The following KANK1 variants were observed in gnomAD, a reference collection of about 807,000 sequenced individuals.
The protein encoded by KANK1 is KN motif and ankyrin repeat domains 1, also known as KN motif and ankyrin repeat domain-containing protein 1.
A neutral mutation model predicts 106.2 loss-of-function variants in KANK1; 109 were observed. That is an observed-to-expected ratio of 1.03 (90% CI 0.88 to 1.20). The LOEUF (loss-of-function observed/expected upper bound fraction) is 1.20, where lower values mean the gene tolerates loss of function less well. KANK1 is among the 50% of genes most tolerant of loss of function. The pLI, the probability that KANK1 is intolerant of heterozygous loss-of-function variation, is 0.00. For synonymous variants in KANK1, 873 were observed against 652.2 expected, an observed-to-expected ratio of 1.34 and a Z score of -5.16; for missense variants, 2,399 against 1,710.7, an observed-to-expected ratio of 1.40 and a Z score of -7.10.
At chr9:716,505 A>G (rs946954686) in intron 3 of KANK1, among the ~76,000 whole-genome samples, 7 of 152,322 alleles carry the variant, frequency 4.6e-5, no homozygotes, top group South Asian at 4.2e-4. Flanking sequence ...CATTGTATCA[A>G]TATAAAGAAG....
chr9:493,770 C>G (rs2058415396), intron 3 of KANK1, among the ~76,000 whole-genome samples: 1 of 151,946 alleles, frequency 6.6e-6, no homozygotes, highest in South Asian at 2.1e-4. Context: ...TGGTCTTGAA[C>G]TCCTGACCTC....
At chr9:526,788 T>C (rs2059812162) in intron 1 of KANK1, among the ~76,000 whole-genome samples, 1 of 151,728 alleles carries the variant, frequency 6.6e-6, no homozygotes, top group Admixed American at 6.6e-5. Context: ...AAAATGACTG[T>C]ATCTTGAGAA....
intron 1 of KANK1, among the ~76,000 whole-genome samples, chr9:563,190 CTTTT>C (rs35709800): frequency 2.7e-5 from 4 of 149,266 alleles, no homozygotes; most frequent in Admixed American, 6.6e-5. Context: ...TTTTGTCAGA[CTTTT>C]TTTTTTTTTT....
chr9:701,094 A>G (rs1822545273), intron 2 of KANK1, among the ~76,000 whole-genome samples: 1 of 152,130 alleles, frequency 6.6e-6, no homozygotes, highest in Admixed American at 6.5e-5. Context: ...TATTGGCCCC[A>G]ATAGGAAATG....
At chr9:574,172 T>A (rs1819932162) in intron 1 of KANK1, among the ~76,000 whole-genome samples, 1 of 152,200 alleles carries the variant, frequency 6.6e-6, no homozygotes, top group Non-Finnish European at 1.5e-5. Context: ...TCGCACCCAC[T>A]CTTCCCTTAG....
intron 1 of KANK1, among the ~76,000 whole-genome samples, chr9:615,713 C>T (rs1360047454): frequency 1.3e-5 from 2 of 152,112 alleles, no homozygotes; most frequent in Non-Finnish European, 2.9e-5. Flanking sequence ...ATTAGATCAC[C>T]ATAAAGTCCA....
intron 1 of KANK1, among the ~76,000 whole-genome samples, chr9:671,925 G>A (rs929117146): frequency 6.6e-6 from 1 of 152,042 alleles, no homozygotes; most frequent in Non-Finnish European, 1.5e-5. Context: ...TCCAGCCTGG[G>A]CTACAGAGCA....
At chr9:564,999 G>A (rs1817465206) in intron 1 of KANK1, among the ~76,000 whole-genome samples, 4 of 152,144 alleles carry the variant, frequency 2.6e-5, no homozygotes, top group Admixed American at 2.6e-4. Context: ...GAAGGAGCCT[G>A]GTGAGGCTGG....
intron 1 of KANK1, among the ~76,000 whole-genome samples, chr9:583,367 T>C (rs1278271573): frequency 6.6e-6 from 1 of 152,186 alleles, no homozygotes; most frequent in African/African-American, 2.4e-5. Flanking sequence ...CCTCAGTAAG[T>C]AGCAGCAATT....
intron 1 of KANK1, among the ~76,000 whole-genome samples, chr9:548,657 G>GTA (rs2061084340): frequency 2.0e-5 from 3 of 152,048 alleles, no homozygotes; most frequent in Non-Finnish European, 2.9e-5. Flanking sequence ...TTTTATGTGT[G>GTA]TATAGAAAAA....
chr9:717,183 G>T (rs561729789), intron 3 of KANK1, among the ~76,000 whole-genome samples: 6 of 152,062 alleles, frequency 3.9e-5, no homozygotes, highest in African/African-American at 1.4e-4. Flanking sequence ...TACTCAGGAG[G>T]CTGAGGTGGG....
intron 1 of KANK1, among the ~76,000 whole-genome samples, chr9:546,136 C>A (rs955494904): frequency 6.6e-6 from 1 of 152,132 alleles, no homozygotes; most frequent in Non-Finnish European, 1.5e-5. Context: ...CATGGGACTT[C>A]AGCTCTTATG....
chr9:690,349 C>T (rs1037317548), intron 2 of KANK1, among the ~76,000 whole-genome samples: 11 of 151,514 alleles, frequency 7.3e-5, no homozygotes, highest in African/African-American at 2.7e-4. Context: ...GAGAATGTCC[C>T]TAGTTTATGG....
upstream of KANK1, among the ~76,000 whole-genome samples, chr9:502,297 T>G (rs774851545): frequency 3.3e-5 from 5 of 152,322 alleles, no homozygotes; most frequent in African/African-American, 9.6e-5. Context: ...TCAAAACCAC[T>G]GAATTATACA....
In KANK1 at chr9:745,171, A is replaced by T. The variant is rs767621971; in HGVS notation, c.3997-2A>T. On this transcript the variant is annotated splice_acceptor_variant, in intron 11 of 11. Transcript: ENST00000382297. LOFTEE classifies it high-confidence loss of function. ...CAGTTTTTTTCCTTTCCTGGTCTCTAGGGCACCCCTAGGCTTGGAAGGAAG... is the reference window on the plus strand; with the variant it reads ...CAGTTTTTTTCCTTTCCTGGTCTCTTGGGCACCCCTAGGCTTGGAAGGAAG... 6.2e-7 allele frequency: 1 copy of T among 1,613,764 alleles called. No individual in the cohort carries two copies. Among genetic ancestry groups the T allele is most frequent in the Non-Finnish European group, 8.5e-7 (1 of 1,179,866 alleles).
chr9:694,099 T>G (rs1205163077), intron 2 of KANK1, among the ~76,000 whole-genome samples: 1 of 152,202 alleles, frequency 6.6e-6, no homozygotes, highest in Non-Finnish European at 1.5e-5. Context: ...TCTTTGGGTA[T>G]TTGTTTTCAG....
chr9:506,479 C>T (rs1379203631), intron 1 of KANK1, among the ~76,000 whole-genome samples: 3 of 152,052 alleles, frequency 2.0e-5, no homozygotes, highest in Non-Finnish European at 4.4e-5. Flanking sequence ...CTTGCCTAGT[C>T]CATAAATCAC....
rs528300245 is a variant in KANK1, at chr9:523,901, A to G, written c.-84+19147A>G. 1.1e-4 allele frequency among the ~76,000 whole-genome samples: 16 copies of G among 151,660 alleles called. No homozygotes were observed. In the East Asian group the frequency reaches 2.5e-3, roughly 24 times the overall value. On this transcript the variant is annotated intron_variant, in intron 1 of 11. Transcript: ENST00000382297. ...TTATTGTTTATTTTCAGCATATCCC[A>G]GTAGAATACGGGCTTTTCCAGGGCA...
rs188802391 is a variant in KANK1, at chr9:523,355, T to C, written c.-84+18601T>C. On this transcript the variant is annotated intron_variant, in intron 1 of 11. Transcript: ENST00000382297. ...GCAAATCCTGTTTCACCTTCAAATA[T>C]ATGTAGAATCTGCATCGTCCTCCCT... Among the ~76,000 whole-genome samples, 139 of 151,850 alleles carry C rather than the reference T, an allele frequency of 9.2e-4. 4 individuals carry two copies. The highest frequency in any genetic ancestry group is 3.3e-3 in the African/African-American group (136 of 41,130).
Sources: allele counts gnomAD v4.1 joint callset (sites outside exome capture counted in the v4.1 genomes callset), GRCh38; gene constraint gnomAD v4.1.1; transcripts MANE v1.5; gene names NCBI Gene and HGNC (gene_info 2026-07-23, HGNC 2026-07-21).